AP2A2: variants seen among roughly 807,000 people sequenced by gnomAD.
AP2A2 encodes the protein adaptor related protein complex 2 subunit alpha 2.
Under a neutral mutation model 104.2 loss-of-function variants are expected in AP2A2, and 32 were observed. The ratio of observed to expected loss-of-function variants is 0.31; its 90% CI spans 0.23 to 0.41. The LOEUF (loss-of-function observed/expected upper bound fraction) is 0.41. AP2A2 is among the 10% of genes least tolerant of loss of function. The pLI, the probability that AP2A2 is intolerant of heterozygous loss-of-function variation, is 1.00. For missense variants in AP2A2, 912 were observed against 1,261.0 expected (o/e 0.72, Z 4.19); for synonymous variants, 539 against 533.3 (o/e 1.01, Z -0.15).
intron 8 of AP2A2, among the ~76,000 whole-genome samples, chr11:986,185 C>A (rs7396366): frequency 0.58 from 87,676 of 152,136 alleles, 26,150 homozygotes; most frequent in Middle Eastern, 0.73. Flanking sequence ...ATAATGAGGG[C>A]ACGTGCCAGG....
intron 1 of AP2A2, among the ~76,000 whole-genome samples, chr11:927,180 T>C (rs991703496): frequency 4.6e-5 from 7 of 152,066 alleles, no homozygotes; most frequent in Non-Finnish European, 8.8e-5. Flanking sequence ...CACCTCAGCC[T>C]CCGGAGTCAC....
In AP2A2 at chr11:926,820, C is replaced by G. The variant is rs569600427; in HGVS notation, c.67+732C>G. ...TCGTTCTCAGCCCCGTGCCTGTCCC[C>G]TCGGGGTGGGAAAAATCCACACCAA... On this transcript the variant is annotated intron_variant, in intron 1 of 21. Transcript: ENST00000448903. Among the ~76,000 whole-genome samples, 334 of 152,260 alleles carry G rather than the reference C, an allele frequency of 2.2e-3. 2 individuals carry two copies. The highest frequency in any genetic ancestry group is 7.8e-3 in the African/African-American group (324 of 41,564).
rs112140962 is a variant in AP2A2 at position 1,009,572 on chromosome 11, C to T, written c.2608-111C>T. 136 of 1,012,032 alleles carry T rather than the reference C, an allele frequency of 1.3e-4. No homozygotes were observed. The Middle Eastern group carries it at 1.4e-3, about 10-fold the overall frequency. The allele number at this position is 1,012,032 out of a possible 1,614,324, so 62.7% of individuals were successfully genotyped here. ...GCGCCAGGGTCTGGAGGGGCGGCCC[C>T]GGGGGACACGCAGCCCACGACCCAG... On this transcript the variant is annotated intron_variant, in intron 20 of 21. Coordinates refer to ENST00000448903, the MANE Select transcript of AP2A2 (RefSeq NM_012305.4).
Position 1,011,093 on chromosome 11 carries a change from G to T in AP2A2, c.*468G>T. 3.3e-6 allele frequency: 2 copies of T among 598,260 alleles called. No homozygotes were observed. Among genetic ancestry groups the T allele is most frequent in the Non-Finnish European group, 3.2e-6 (1 of 312,170 alleles). The allele number at this position is 598,260 out of a possible 1,614,324, so 37.1% of individuals were successfully genotyped here. On this transcript the variant is annotated 3_prime_UTR_variant, in exon 22 of 22. Transcript: ENST00000448903. ...CTGGCGTCGTCCTGGGCCCTTGGGA[G>T]GAGCACAGCTGACCCTGGTTTTGCT...
intron 10 of AP2A2, among the ~76,000 whole-genome samples, chr11:990,311 G>A (rs1026106110): frequency 6.6e-6 from 1 of 152,168 alleles, no homozygotes; most frequent in South Asian, 2.1e-4. Flanking sequence ...CTGTAGAGGG[G>A]CCAGGCAGGT....
At chr11:978,179 C>G (rs891019861) in intron 5 of AP2A2, among the ~76,000 whole-genome samples, 1 of 152,158 alleles carries the variant, frequency 6.6e-6, no homozygotes, top group Non-Finnish European at 1.5e-5. Flanking sequence ...AGGGCCTGGT[C>G]AGGGAGGCAG....
At chr11:960,367 C>T (rs752349288) in intron 2 of AP2A2, among the ~76,000 whole-genome samples, 5 of 152,082 alleles carry the variant, frequency 3.3e-5, no homozygotes, top group South Asian at 4.2e-4. Context: ...CTCAGCCTCC[C>T]GAGTAGCTGG....
chr11:988,343 G>T (rs1386894504), intron 9 of AP2A2, among the ~76,000 whole-genome samples: 2 of 152,248 alleles, frequency 1.3e-5, no homozygotes, highest in African/African-American at 4.8e-5. Context: ...AAGCTGGCCT[G>T]TGCGGGAGGG....
At chr11:959,349 G>A (rs1221716513) in intron 1 of AP2A2, 88 bp from the exon 2 acceptor site, 23 of 914,144 alleles carry the variant, frequency 2.5e-5, no homozygotes, top group East Asian at 5.2e-5. Context: ...CATCCCATTC[G>A]TGAGTTCTGA....
At chr11:942,439 C>G (rs1853686237) in intron 1 of AP2A2, 1 of 152,222 alleles carries the variant, frequency 6.6e-6, no homozygotes, top group Non-Finnish European at 1.5e-5. Context: ...CTGTAGTGCT[C>G]TGAAACCTAG....
intron 3 of AP2A2, among the ~76,000 whole-genome samples, chr11:971,631 G>T (rs1854832172): frequency 6.6e-6 from 1 of 152,192 alleles, no homozygotes; most frequent in Non-Finnish European, 1.5e-5. Flanking sequence ...GCAGATTAAA[G>T]AGTGGGAGGG....
intron 1 of AP2A2, among the ~76,000 whole-genome samples, chr11:944,738 T>C (rs1285265008): frequency 6.6e-6 from 1 of 151,788 alleles, no homozygotes; most frequent in African/African-American, 2.4e-5. Context: ...ACGTAGAAGT[T>C]AGTGGGGAGG....
intron 4 of AP2A2, among the ~76,000 whole-genome samples, chr11:974,565 C>T (rs1854951906): frequency 6.6e-6 from 1 of 151,530 alleles, no homozygotes. Context: ...CCTGTAGTCC[C>T]AGCTACTCAG....
chr11:982,574 T>G (rs1412244722), intron 6 of AP2A2, among the ~76,000 whole-genome samples: 2 of 152,198 alleles, frequency 1.3e-5, no homozygotes, highest in South Asian at 2.1e-4. Context: ...AGAAGTTCCT[T>G]TCTCTATCTA....
In AP2A2 at chr11:1,003,699, A is replaced by G. The variant is rs1384441382; in HGVS notation, c.2124-23A>G. ...TTCTGCAGGTGGCTTTGAGTGACAC[A>G]TATACTGTCCCTTTTCCCCTAGGTT... On this transcript the variant is annotated intron_variant, in intron 15 of 21. Transcript: ENST00000448903. The G allele has an allele frequency of 4.5e-6, 7 of 1,560,264 alleles. No homozygotes were observed. The African/African-American group carries it at 5.5e-5, about 12-fold the overall frequency.
At chr11:985,639 C>G (rs761146869) in intron 8 of AP2A2, 57 bp downstream of exon 8, 2 of 1,606,822 alleles carry the variant, frequency 1.2e-6, no homozygotes, top group East Asian at 4.5e-5. Context: ...CGTTCCTTCT[C>G]GTTGGCACGA....
chr11:931,674 G>A (rs1403770753), intron 1 of AP2A2, among the ~76,000 whole-genome samples: 2 of 152,150 alleles, frequency 1.3e-5, no homozygotes, highest in African/African-American at 2.4e-5. Context: ...TAGCAAGATG[G>A]CAAAAATGAA....
At chr11:1,006,646 G>T in intron 17 of AP2A2, 29 bp downstream of exon 17, 4 of 1,547,488 alleles carry the variant, frequency 2.6e-6, no homozygotes, top group Non-Finnish European at 3.6e-6. Flanking sequence ...CCCCATGCCC[G>T]CAGACAGCAT....
rs1229820852 is a variant in AP2A2, at chr11:968,961, T to G, written c.137-1208T>G. On this transcript the variant is annotated intron_variant, in intron 2 of 21. Transcript: ENST00000448903. The surrounding 1 kb of genome is among the most constrained non-coding windows in gnomAD (Gnocchi z 4.2). ...CGTTCCCCAGGAAATGTGGCCGGTC[T>G]GTATTCTACACAGTTGAGGTCGTCC... Among the ~76,000 whole-genome samples, 1 of 152,214 alleles carries G rather than the reference T, an allele frequency of 6.6e-6. No homozygotes were observed. Among genetic ancestry groups the G allele is most frequent in the African/African-American group, 2.4e-5 (1 of 41,458 alleles).
Sources: gnomAD v4.1 joint callset for allele counts (sites outside exome capture counted in the v4.1 genomes callset) on GRCh38, gnomAD v4.1.1 for gene constraint, Gnocchi (gnomAD v3.1) non-coding constraint, MANE v1.5 for transcripts, NCBI Gene and HGNC (gene_info 2026-07-23, HGNC 2026-07-21) for gene names.